GRID1: variants seen among roughly 807,000 people sequenced by gnomAD.
GRID1 encodes glutamate receptor ionotropic, delta-1.
Under a neutral mutation model 98.0 loss-of-function variants are expected in GRID1, and 28 were observed. That is an observed-to-expected ratio of 0.29 (90% confidence interval 0.21 to 0.39). The LOEUF (loss-of-function observed/expected upper bound fraction) is 0.39. Ranked by LOEUF, GRID1 falls within the 10% of genes least tolerant of loss-of-function variation. The probability of loss-of-function intolerance (pLI) is 1.00; values close to 1 mark genes in which losing one functional copy is unlikely to be tolerated. For missense variants in GRID1, 1,111 were observed against 1,340.5 expected (o/e 0.83, Z 2.67); for synonymous variants, 553 against 538.5 (o/e 1.03, Z -0.37).
chr10:85,667,927 C>A (rs1841041546), intron 12 of GRID1, among the ~76,000 whole-genome samples: 1 of 152,212 alleles, frequency 6.6e-6, no homozygotes, highest in Admixed American at 6.5e-5. Context: ...CAGTGCTCTC[C>A]CTGGAGGGCA....
At chr10:85,957,451 C>T (rs1842209414) in intron 4 of GRID1, among the ~76,000 whole-genome samples, 1 of 152,018 alleles carries the variant, frequency 6.6e-6, no homozygotes, top group African/African-American at 2.4e-5. Flanking sequence ...GGTGTTCCCC[C>T]CGGTTGTATT....
At chr10:86,322,729 A>C (rs1847988286) in intron 2 of GRID1, among the ~76,000 whole-genome samples, 2 of 150,046 alleles carry the variant, frequency 1.3e-5, no homozygotes, top group South Asian at 4.2e-4. Flanking sequence ...TTTTTTTTTA[A>C]ATAAAAATAA....
intron 5 of GRID1, among the ~76,000 whole-genome samples, chr10:85,878,368 G>A (rs1020807585): frequency 3.3e-5 from 5 of 152,130 alleles, no homozygotes; most frequent in African/African-American, 1.2e-4. Flanking sequence ...GGCAGCCAGA[G>A]AGAAAGGTCG....
intron 12 of GRID1, among the ~76,000 whole-genome samples, chr10:85,688,718 C>T (rs1841297481): frequency 6.6e-6 from 1 of 152,182 alleles, no homozygotes; most frequent in South Asian, 2.1e-4. Flanking sequence ...GATGGTGGTG[C>T]TCTTCCACTA....
intron 4 of GRID1, among the ~76,000 whole-genome samples, chr10:85,957,746 T>C (rs916477108): frequency 6.6e-6 from 1 of 152,170 alleles, no homozygotes; most frequent in Non-Finnish European, 1.5e-5. Context: ...CCTGCACCCA[T>C]GCTGAAGGTC....
At chr10:86,289,239 C>T (rs1278957362) in intron 2 of GRID1, among the ~76,000 whole-genome samples, 1 of 152,134 alleles carries the variant, frequency 6.6e-6, no homozygotes, top group Non-Finnish European at 1.5e-5. Context: ...CAGCCCCAGC[C>T]ATGAAAAACA....
chr10:85,950,891 G>A (rs572328594), intron 4 of GRID1, among the ~76,000 whole-genome samples: 4 of 152,318 alleles, frequency 2.6e-5, no homozygotes, highest in African/African-American at 9.6e-5. Flanking sequence ...GATCATTCAA[G>A]AGTCTCCTTC....
intron 4 of GRID1, among the ~76,000 whole-genome samples, chr10:86,060,955 T>C (rs1843639849): frequency 6.6e-6 from 1 of 152,050 alleles, no homozygotes; most frequent in Admixed American, 6.5e-5. Context: ...ATGCGCCCCT[T>C]TCCAAAGAGA....
chr10:85,665,854 A>G (rs1841014331), intron 12 of GRID1, among the ~76,000 whole-genome samples: 1 of 152,074 alleles, frequency 6.6e-6, no homozygotes, highest in Non-Finnish European at 1.5e-5. Flanking sequence ...TGGGGTGATG[A>G]CTGGAAATAC....
At chr10:86,054,935 G>A (rs760594079) in intron 4 of GRID1, among the ~76,000 whole-genome samples, 14 of 152,172 alleles carry the variant, frequency 9.2e-5, no homozygotes, top group Non-Finnish European at 2.1e-4. Context: ...TGCCACTTCT[G>A]AGCCTAGATC....
rs61636312 is a variant in GRID1, at chr10:86,000,231, GA to G, written c.727-83993del. ...AGACAATACTATTCCTAATAGCTTG[GA>G]AAAAAAAGTTATAAAACTAACAACT... On this transcript the variant is annotated intron_variant, in intron 4 of 15. Transcript: ENST00000327946. Among the ~76,000 whole-genome samples the G allele has an allele frequency of 2.7e-3, 416 of 151,826 alleles. 2 individuals are homozygous for G. The highest frequency in any genetic ancestry group is 6.8e-3 in the Middle Eastern group (2 of 294).
intron 4 of GRID1, among the ~76,000 whole-genome samples, chr10:86,122,625 A>G (rs992273593): frequency 6.6e-6 from 1 of 152,252 alleles, no homozygotes; most frequent in East Asian, 1.9e-4. Flanking sequence ...AAAAGTAGCC[A>G]GATTTGAAAG....
At chr10:86,249,931 T>C (rs1053272011) in intron 2 of GRID1, among the ~76,000 whole-genome samples, 1 of 151,510 alleles carries the variant, frequency 6.6e-6, no homozygotes, top group African/African-American at 2.4e-5. Flanking sequence ...AATGGGTGGG[T>C]AGATGGATGG....
At chr10:86,276,149 A>C (rs899936513) in intron 2 of GRID1, among the ~76,000 whole-genome samples, 4 of 152,236 alleles carry the variant, frequency 2.6e-5, no homozygotes, top group Non-Finnish European at 5.9e-5. Context: ...ACAGTCTGGA[A>C]GATAGAAATC....
intron 2 of GRID1, among the ~76,000 whole-genome samples, chr10:86,329,296 T>C (rs547703590): frequency 6.6e-6 from 1 of 152,308 alleles, no homozygotes; most frequent in African/African-American, 2.4e-5. Context: ...TCCCCAGCTG[T>C]CATACCATGG....
chr10:86,018,003 C>T (rs1202423629), intron 4 of GRID1, among the ~76,000 whole-genome samples: 1 of 152,226 alleles, frequency 6.6e-6, no homozygotes, highest in Non-Finnish European at 1.5e-5. Flanking sequence ...CGTCCCTCCT[C>T]CTCACACAGA....
intron 3 of GRID1, among the ~76,000 whole-genome samples, chr10:86,159,566 G>T (rs10887560): frequency 0.37 from 56,797 of 152,088 alleles, 13,630 homozygotes; most frequent in African/African-American, 0.68. Context: ...ACACAGTAAA[G>T]ACAACAATGA....
intron 12 of GRID1, among the ~76,000 whole-genome samples, chr10:85,703,202 A>G (rs1841473072): frequency 6.6e-6 from 1 of 152,180 alleles, no homozygotes; most frequent in African/African-American, 2.4e-5. Context: ...TATAAAGGCA[A>G]CAGAAAATGT....
chr10:86,349,430 C>T (rs989485734), intron 2 of GRID1, among the ~76,000 whole-genome samples: 1 of 152,228 alleles, frequency 6.6e-6, no homozygotes, highest in Admixed American at 6.5e-5. Context: ...ACAGGCACAC[C>T]TCAGGCATAC....
Sources: allele counts gnomAD v4.1 joint callset (sites outside exome capture counted in the v4.1 genomes callset), GRCh38; gene constraint gnomAD v4.1.1; transcripts MANE v1.5; gene names NCBI Gene and HGNC (gene_info 2026-07-23, HGNC 2026-07-21).